SPAG9: variants seen among roughly 807,000 people sequenced by gnomAD.
SPAG9 encodes the protein sperm associated antigen 9.
In SPAG9, 35 loss-of-function variants were observed where a neutral mutation model predicts 166.5. That is an observed-to-expected ratio of 0.21 (90% CI 0.16 to 0.28). The LOEUF is 0.28. Ranked by LOEUF, SPAG9 falls within the 10% of genes least tolerant of loss-of-function variation. The pLI is 1.00. For synonymous variants in SPAG9, 534 were observed against 565.5 expected (o/e 0.94, Z 0.79); for missense variants, 1,235 against 1,603.3 (o/e 0.77, Z 3.92).
intron 18 of SPAG9, among the ~76,000 whole-genome samples, chr17:50,994,372 T>C (rs1975887072): frequency 6.6e-6 from 1 of 152,220 alleles, no homozygotes; most frequent in Admixed American, 6.5e-5. Context: ...AACCTCTTTT[T>C]TCCTTCCCAG....
Position 50,996,633 on chromosome 17 carries a change from C to T in SPAG9, c.1900G>A (p.Ala634Thr), listed in dbSNP as rs750278227. 6.2e-7 allele frequency: 1 copy of T among 1,614,162 alleles called. No individual in the cohort carries two copies. Among genetic ancestry groups the T allele is most frequent in the Non-Finnish European group, 8.5e-7 (1 of 1,180,030 alleles). Residue 634 changes from alanine (A) to threonine (T), a missense_variant, in exon 16 of 30, where the codon GCA becomes ACA. Ala to Thr is a moderately conservative substitution (Grantham distance 58). This residue lies in a region of SPAG9 where 493 missense variants were observed against 559.4 expected (regional missense o/e 0.88). Transcript: ENST00000262013. ...QKREQYRQVK[A>T]HVQKEDGRVQ... ...CTACCGTCTTCCTTCTGAACATGTG[C>T]TTTTACCTGACGATACTGCTCTCTC...
At chr17:51,048,540 T>C (rs1290078142) in intron 3 of SPAG9, among the ~76,000 whole-genome samples, 1 of 152,060 alleles carries the variant, frequency 6.6e-6, no homozygotes, top group Non-Finnish European at 1.5e-5. Context: ...TCACTAAACT[T>C]TAGCTGTATT....
rs1265169695 is a variant in SPAG9 at position 50,989,787 on chromosome 17, T to A, written c.2703A>T (p.Ser901=). The change falls in exon 21 of 30, where the codon TCA becomes TCT. Residue 901 remains serine, a synonymous_variant. Coordinates refer to ENST00000262013, the MANE Select transcript of SPAG9 (RefSeq NM_001130528.3). ...ATEATEGNAG[S]AEDTVDISQT... ...GGGAGATGTCCACTGTGTCTTCAGCTGACCCCGCATTCCCTTCTGTAGCTT... is the reference window on the plus strand; with the variant it reads ...GGGAGATGTCCACTGTGTCTTCAGCAGACCCCGCATTCCCTTCTGTAGCTT... 6.2e-7 allele frequency: 1 copy of A among 1,614,108 alleles called. No homozygotes were observed. Among genetic ancestry groups the A allele is most frequent in the Non-Finnish European group, 8.5e-7 (1 of 1,180,034 alleles).
At chr17:51,010,541 A>G (rs1229656229) in intron 9 of SPAG9, among the ~76,000 whole-genome samples, 1 of 148,096 alleles carries the variant, frequency 6.8e-6, no homozygotes, top group African/African-American at 2.5e-5. Context: ...TTCCTGGAGG[A>G]TGTATCACTT....
intron 5 of SPAG9, among the ~76,000 whole-genome samples, chr17:51,040,698 G>A (rs371394821): frequency 1.3e-5 from 2 of 152,192 alleles, no homozygotes; most frequent in East Asian, 3.8e-4. Context: ...TATTTTAGAA[G>A]CATTGTTAAG....
chr17:51,112,064 TTAAG>T (rs1212631521), intron 1 of SPAG9, among the ~76,000 whole-genome samples: 2 of 152,154 alleles, frequency 1.3e-5, no homozygotes, highest in East Asian at 1.9e-4. Flanking sequence ...TCTTAGGAGC[TTAAG>T]TAATAATTAA....
intron 6 of SPAG9, among the ~76,000 whole-genome samples, chr17:51,025,808 C>T (rs1466120669): frequency 6.6e-6 from 1 of 151,950 alleles, no homozygotes; most frequent in Admixed American, 6.5e-5. Context: ...ATGAGAATCG[C>T]TTGAACCCAG....
Position 51,037,665 on chromosome 17 carries a change from T to TTATA in SPAG9, c.741+3832_741+3835dup, listed in dbSNP as rs59365716. On this transcript the variant is annotated intron_variant, in intron 5 of 29. Coordinates refer to ENST00000262013, the MANE Select transcript of SPAG9 (RefSeq NM_001130528.3). Reference sequence around the variant, plus strand: ...AATAAAATAAGTAAATATATGTGTTTTATATATATATATATATATAGTGTG... The same window carrying TTATA: ...AATAAAATAAGTAAATATATGTGTTTTATATATATATATATATATATATAGTGTG... Among the ~76,000 whole-genome samples the TTATA allele has an allele frequency of 7.6e-4, 71 of 92,928 alleles. 1 individual carries two copies. Among genetic ancestry groups the TTATA allele is most frequent in the Middle Eastern group, 5.3e-3 (1 of 188 alleles). The allele number at this position is 92,928 out of a possible 152,430, so 61.0% of individuals were successfully genotyped here. A position where few individuals can be genotyped will look rare whatever the true frequency, so the allele number is the denominator to read the frequency against.
At chr17:51,091,834 G>A (rs2048474204) in intron 1 of SPAG9, among the ~76,000 whole-genome samples, 1 of 151,610 alleles carries the variant, frequency 6.6e-6, no homozygotes, top group Non-Finnish European at 1.5e-5. Flanking sequence ...AAAAATCAGT[G>A]GACAATACAG....
intron 8 of SPAG9, among the ~76,000 whole-genome samples, chr17:51,016,513 A>G (rs992714882): frequency 5.3e-5 from 8 of 152,262 alleles, no homozygotes; most frequent in Non-Finnish European, 1.2e-4. Flanking sequence ...TATGAATTGC[A>G]TAGTGTCTGC....
At chr17:50,989,495 G>C (rs911026047) in intron 21 of SPAG9, 182 bp downstream of exon 21, 1 of 659,896 alleles carries the variant, frequency 1.5e-6, no homozygotes, top group Admixed American at 2.4e-5. Flanking sequence ...AGAAGAAATG[G>C]GGGGGAATAT....
chr17:51,047,506 G>A (rs868061454), intron 3 of SPAG9, 37 bp from the exon 4 acceptor site: 1 of 951,694 alleles, frequency 1.1e-6, no homozygotes, highest in Non-Finnish European at 1.6e-6. Context: ...AATATTTAAG[G>A]CTAATACCTG....
chr17:51,018,230 C>A (rs1008930480), intron 8 of SPAG9, among the ~76,000 whole-genome samples: 1 of 120,450 alleles, frequency 8.3e-6, no homozygotes, highest in African/African-American at 3.2e-5. Context: ...GCAGTCCCAG[C>A]TACTTGGGAG....
intron 1 of SPAG9, among the ~76,000 whole-genome samples, chr17:51,081,007 A>C (rs957781501): frequency 6.6e-6 from 1 of 152,146 alleles, no homozygotes; most frequent in Non-Finnish European, 1.5e-5. Context: ...CTCAGGACCA[A>C]AACTCTGGAG....
At chr17:51,075,719 G>C (rs576468189) in intron 2 of SPAG9, among the ~76,000 whole-genome samples, 2 of 152,116 alleles carry the variant, frequency 1.3e-5, no homozygotes, top group Non-Finnish European at 2.9e-5. Context: ...AGCTATTTGG[G>C]AGGCTAAGGT....
At chr17:51,104,428 C>T (rs141047754) in intron 1 of SPAG9, among the ~76,000 whole-genome samples, 70 of 152,190 alleles carry the variant, frequency 4.6e-4, no homozygotes, top group African/African-American at 1.6e-3. Context: ...CCCAAGGTCG[C>T]GAGATCAAGA....
intron 1 of SPAG9, among the ~76,000 whole-genome samples, chr17:51,097,144 T>A (rs891644638): frequency 5.9e-5 from 9 of 152,250 alleles, no homozygotes; most frequent in African/African-American, 2.2e-4. Context: ...ATCTTCCAGA[T>A]AGCTGAACAC....
intron 1 of SPAG9, among the ~76,000 whole-genome samples, chr17:51,081,000 A>G (rs2048148878): frequency 6.6e-6 from 1 of 151,514 alleles, no homozygotes; most frequent in Non-Finnish European, 1.5e-5. Context: ...TCAGTTACTC[A>G]GGACCAAAAC....
chr17:51,070,944 GA>G (rs1163329937), intron 2 of SPAG9, among the ~76,000 whole-genome samples: 1 of 151,862 alleles, frequency 6.6e-6, no homozygotes, highest in Admixed American at 6.6e-5. Flanking sequence ...ATACAACAAG[GA>G]AAAATACTTA....
Sources: allele counts gnomAD v4.1 joint callset (sites outside exome capture counted in the v4.1 genomes callset), GRCh38; gene constraint gnomAD v4.1.1; regional missense constraint gnomAD v4.1.1; transcripts MANE v1.5; gene names NCBI Gene and HGNC (gene_info 2026-07-23, HGNC 2026-07-21).